The following TRPV5 variants were observed in gnomAD, a reference collection of about 807,000 sequenced individuals.
The protein encoded by TRPV5 is calcium transport protein 2.
In TRPV5, 66 loss-of-function variants were observed where a neutral mutation model predicts 74.1. The observed-to-expected ratio is 0.89, with a 90% CI of 0.73 to 1.09. The LOEUF is 1.09. TRPV5 is among the 50% of genes least tolerant of loss of function. The pLI, the probability that TRPV5 is intolerant of heterozygous loss-of-function variation, is 0.00. For missense variants in TRPV5, 936 were observed against 930.4 expected (o/e 1.01, Z -0.08); for synonymous variants, 399 against 360.7 (o/e 1.11, Z -1.20).
chr7:142,929,914 G>T, intron 3 of TRPV5, 144 bp downstream of exon 3: 1 of 1,325,176 alleles, frequency 7.5e-7, no homozygotes, highest in Non-Finnish European at 1.1e-6. Flanking sequence ...CAGGACCTTT[G>T]CATTTCTCCC....
intron 8 of TRPV5, 55 bp from the exon 9 acceptor site, chr7:142,915,623 T>G: frequency 6.3e-7 from 1 of 1,575,884 alleles, no homozygotes; most frequent in Non-Finnish European, 8.7e-7. Flanking sequence ...CAAATCCTTT[T>G]GTGCAAATGA....
intron 6 of TRPV5, 138 bp downstream of exon 6, chr7:142,928,553 G>A (rs1796027576): frequency 7.8e-7 from 1 of 1,277,882 alleles, no homozygotes; most frequent in Admixed American, 2.9e-5. Context: ...GGAAGCAAGG[G>A]ACCACCATCC....
At position 142,931,374 on chromosome 7, in the gene TRPV5, G is replaced by C. The variant is rs550766898; in HGVS notation, c.129-928C>G. ...TGGAGAGTTGTGGGGTGAGTTACAG[G>C]GTGCCTCTTTCTTCTGCATTATACC... On this transcript the variant is annotated intron_variant, in intron 1 of 14. Transcript: ENST00000265310. Among the ~76,000 whole-genome samples, 209 of 152,106 alleles carry C rather than the reference G, an allele frequency of 1.4e-3. 1 individual carries two copies. The highest frequency in any genetic ancestry group is 2.4e-3 in the Non-Finnish European group (160 of 67,982).
At position 142,912,659 on chromosome 7, in the gene TRPV5, A is replaced by T. The variant is rs1795720818; in HGVS notation, c.1611T>A (p.Phe537Leu). ...PMALFTTFEL[F>L]LTVIDAPANY... ...TGGCAGGTGCATCAATAACAGTGAGAAAAAGCTCAAAGGTGGTGAACAGTG... is the reference window on the plus strand; with the variant it reads ...TGGCAGGTGCATCAATAACAGTGAGTAAAAGCTCAAAGGTGGTGAACAGTG... Residue 537 changes from phenylalanine (F) to leucine (L), a missense_variant, in exon 13 of 15, where the codon TTT (phenylalanine) becomes TTA (leucine). Transcript: ENST00000265310. The T allele has an allele frequency of 6.2e-7, 1 of 1,614,154 alleles. No homozygotes were observed. Among genetic ancestry groups the T allele is most frequent in the Admixed American group, 1.7e-5 (1 of 60,014 alleles).
chr7:142,915,167 A>G (rs1199174587), intron 10 of TRPV5, 121 bp from the exon 11 acceptor site: 2 of 1,514,942 alleles, frequency 1.3e-6, no homozygotes, highest in East Asian at 4.5e-5. Flanking sequence ...TAAAACGCAC[A>G]TACAGTTACA....
At chr7:142,915,271 A>G (rs1462665847) in intron 10 of TRPV5, 36 bp downstream of exon 10, 1 of 1,604,646 alleles carries the variant, frequency 6.2e-7, no homozygotes, top group East Asian at 2.2e-5. Context: ...GATTCTGGTA[A>G]GGAAAGGCAG....
chr7:142,917,454 A>C (rs540924234), intron 8 of TRPV5, among the ~76,000 whole-genome samples: 55 of 152,290 alleles, frequency 3.6e-4, no homozygotes, highest in African/African-American at 1.3e-3. Context: ...ACTACACATA[A>C]GTTGGCGAGG....
chr7:142,925,684 T>C lies in TRPV5; in HGVS notation c.967A>G (p.Lys323Glu). The C allele has an allele frequency of 6.2e-7, 1 of 1,614,166 alleles. No homozygotes were observed. ...ATGCAGAAGTACGGCCGGCCATACTTGTTCCACTTGAAGCTCACCAGCTCC... is the reference window on the plus strand; with the variant it reads ...ATGCAGAAGTACGGCCGGCCATACTCGTTCCACTTGAAGCTCACCAGCTCC... ...VKELVSFKWNKYGRPYFCILA... is the reference protein window; with the variant it reads ...VKELVSFKWNEYGRPYFCILA... The change falls in exon 8 of 15, where the codon AAG (lysine) becomes GAG (glutamate). Residue 323 changes from lysine (K) to glutamate (E), a missense_variant. Coordinates refer to ENST00000265310, the MANE Select transcript of TRPV5 (RefSeq NM_019841.7).
At chr7:142,914,183 C>T in intron 12 of TRPV5, among the ~76,000 whole-genome samples, 1 of 152,158 alleles carries the variant, frequency 6.6e-6, no homozygotes, top group East Asian at 1.9e-4. Context: ...CTTTAAATGA[C>T]CACATATAGA....
At chr7:142,924,375 CATATAT>C (rs761091491) in intron 8 of TRPV5, among the ~76,000 whole-genome samples, 1 of 25,788 alleles carries the variant, frequency 3.9e-5, no homozygotes, top group African/African-American at 1.8e-4. Context: ...TATATATATA[CATATAT>C]ATATATATAT....
In TRPV5 at chr7:142,929,472, G is replaced by C; in HGVS notation, c.443C>G (p.Thr148Arg). 1 of 1,614,172 alleles carries C rather than the reference G, an allele frequency of 6.2e-7. No homozygotes were observed. The highest frequency in any genetic ancestry group is 8.5e-7 in the Non-Finnish European group (1 of 1,180,022). ...GGGACTATGGCGGAAGGCAGTGCCT[G>C]TGGCTCTGGCAGAGACACTGGCCCT... ...TRRASVSARA[T>R]GTAFRHSPRN... is the part of the protein sequence containing the mutation. Residue 148 changes from threonine to arginine, a missense_variant, in exon 4 of 15, where the codon ACA (threonine) becomes AGA (arginine). Transcript: ENST00000265310.
At chr7:142,909,685 G>T in intron 13 of TRPV5, 89 bp from the exon 14 acceptor site, 1 of 1,405,596 alleles carries the variant, frequency 7.1e-7, no homozygotes. Context: ...GGAACCAAAG[G>T]CAATCTGTGA....
intron 12 of TRPV5, 43 bp downstream of exon 12, chr7:142,914,597 A>C: frequency 1.7e-5 from 26 of 1,494,872 alleles, no homozygotes; most frequent in Non-Finnish European, 2.4e-5. Flanking sequence ...CTTTCTGGAG[A>C]ACTAGATCTG....
rs1351449137 is a variant in TRPV5 at position 142,915,535 on chromosome 7, G to A, written c.1156C>T (p.Leu386=). 1 of 1,614,184 alleles carries A rather than the reference G, an allele frequency of 6.2e-7. No individual in the cohort carries two copies. The highest frequency in any genetic ancestry group is 1.3e-5 in the African/African-American group (1 of 75,044). ...AYETREDIIR[L]VGELVSIVGA... ...ACGATGCTCACCAGCTCCCCCACCA[G>A]CCTGATGATATCTTCACGTGTCTCA... Residue 386 remains leucine (L), a synonymous_variant, in exon 9 of 15, where the codon CTG becomes TTG. Transcript: ENST00000265310.
intron 7 of TRPV5, among the ~76,000 whole-genome samples, chr7:142,927,431 A>G (rs1682007880): frequency 6.6e-6 from 1 of 152,216 alleles, no homozygotes; most frequent in Non-Finnish European, 1.5e-5. Context: ...TCATATTACT[A>G]TAAAGAACTA....
In TRPV5 at chr7:142,933,696, AGT is replaced by A. The variant is rs1796142432; in HGVS notation, c.-239_-238del. The A allele has an allele frequency of 3.6e-6, 2 of 548,586 alleles. No individual in the cohort carries two copies. Among genetic ancestry groups the A allele is most frequent in the South Asian group, 5.0e-5 (2 of 40,148 alleles). The allele number at this position is 548,586 out of a possible 1,614,324, so 34.0% of individuals were successfully genotyped here. A position where few individuals can be genotyped will look rare whatever the true frequency, so the allele number is the denominator to read the frequency against. The stretch of plus-strand genomic sequence containing the variant: ...GGCTGTGGTGTATGTGTGTGCATGC[AGT>A]GTGTGGTTGTGAGGTGGTGTGTGTG... On this transcript the variant is annotated 5_prime_UTR_variant, in exon 1 of 15. It removes the in-frame stop codon of an upstream open reading frame in the 5' UTR. Transcript: ENST00000265310.
At chr7:142,919,539 G>T (rs1795850728) in intron 8 of TRPV5, among the ~76,000 whole-genome samples, 1 of 152,178 alleles carries the variant, frequency 6.6e-6, no homozygotes, top group Non-Finnish European at 1.5e-5. Flanking sequence ...AGCAGGCCTG[G>T]CTAACAACGC....
chr7:142,920,441 G>T (rs954972721), intron 8 of TRPV5, among the ~76,000 whole-genome samples: 8 of 152,172 alleles, frequency 5.3e-5, no homozygotes, highest in Non-Finnish European at 1.0e-4. Context: ...TTCTATATCT[G>T]ATCCTCTCCC....
In TRPV5 at chr7:142,933,717, G is replaced by A; in HGVS notation, c.-258C>T. On this transcript the variant is annotated 5_prime_UTR_variant, in exon 1 of 15. Coordinates refer to ENST00000265310, the MANE Select transcript of TRPV5 (RefSeq NM_019841.7). ...ATGCAGTGTGTGGTTGTGAGGTGGT[G>A]TGTGTGCATGCAGGTGCGCTGAGGG... is the stretch of plus-strand genomic sequence containing the variant. 4.1e-6 allele frequency: 2 copies of A among 484,158 alleles called. No homozygotes were observed. Among genetic ancestry groups the A allele is most frequent in the Admixed American group, 8.0e-5 (2 of 25,124 alleles). The allele number at this position is 484,158 out of a possible 1,614,324, so 30.0% of individuals were successfully genotyped here. A position where few individuals can be genotyped will look rare whatever the true frequency, so the allele number is the denominator to read the frequency against.
Sources: gnomAD v4.1 joint callset for allele counts (sites outside exome capture counted in the v4.1 genomes callset) on GRCh38, gnomAD v4.1.1 for gene constraint, MANE v1.5 for transcripts, NCBI Gene and HGNC (gene_info 2026-07-23, HGNC 2026-07-21) for gene names.